The following CD8A variants were observed in gnomAD, a reference collection of about 807,000 sequenced individuals.
CD8A encodes CD8 subunit alpha, also known as T-cell surface glycoprotein CD8 alpha chain.
In CD8A, 25 loss-of-function variants were observed where a neutral mutation model predicts 24.2. That is an observed-to-expected ratio of 1.03 (90% CI 0.75 to 1.44). CD8A has a LOEUF of 1.44. Among genes scored for constraint, CD8A ranks in the 40% most tolerant of loss-of-function variants. CD8A has a pLI of 0.00. For missense variants in CD8A, 360 were observed against 319.7 expected (o/e 1.13, Z -0.96); for synonymous variants, 165 against 149.9 (o/e 1.10, Z -0.74).
intron 3 of CD8A, among the ~76,000 whole-genome samples, chr2:86,799,452 G>C (rs565869676): frequency 2.6e-5 from 4 of 152,212 alleles, no homozygotes; most frequent in Non-Finnish European, 5.9e-5. Context: ...AGAGTCCCCA[G>C]TATCCAGGTA....
intron 2 of CD8A, among the ~76,000 whole-genome samples, chr2:86,804,180 T>C (rs1377105573): frequency 6.6e-6 from 1 of 152,206 alleles, no homozygotes; most frequent in Non-Finnish European, 1.5e-5. Context: ...ATACCTTATA[T>C]ATACACAATA....
Position 86,784,715 on chromosome 2 carries a change from A to G in CD8A, c.*1205T>C, listed in dbSNP as rs1226683740. The G allele has an allele frequency of 2.2e-6, 1 of 453,218 alleles. No homozygotes were observed. The highest frequency in any genetic ancestry group is 2.4e-5 in the Admixed American group (1 of 42,470). 28.1% of individuals were successfully genotyped at this position (453,218 alleles called of 1,614,324 possible). A position where few individuals can be genotyped will look rare whatever the true frequency, so the allele number is the denominator to read the frequency against. ...AAAAAGAAAGACATATTTTACATGT[A>G]TGTGTAGAAAATAATCAGGAAGAAT... On this transcript the variant is annotated 3_prime_UTR_variant, in exon 6 of 6. Coordinates refer to ENST00000283635, the MANE Select transcript of CD8A (RefSeq NM_001768.7).
chr2:86,785,438 G>T lies in CD8A; in HGVS notation c.*482C>A. 1 of 455,266 alleles carries T rather than the reference G, an allele frequency of 2.2e-6. No individual in the cohort carries two copies. Among genetic ancestry groups the T allele is most frequent in the Non-Finnish European group, 4.4e-6 (1 of 227,674 alleles). The allele number at this position is 455,266 out of a possible 1,614,324, so 28.2% of individuals were successfully genotyped here. ...ACTCAAGCACCTCACCCTGAGACAG[G>T]GGCCTCGGAAAGAAAGACCTGAATG... On this transcript the variant is annotated 3_prime_UTR_variant, in exon 6 of 6. Transcript: ENST00000283635.
chr2:86,804,479 G>A (rs751775574), intron 2 of CD8A, among the ~76,000 whole-genome samples: 2 of 152,176 alleles, frequency 1.3e-5, no homozygotes, highest in Non-Finnish European at 2.9e-5. Flanking sequence ...TTTTCTAGAT[G>A]AAAAGAGTTA....
Position 86,790,873 on chromosome 2 carries a change from G to T in CD8A, c.-48C>A. On this transcript the variant is annotated 5_prime_UTR_variant, in exon 1 of 6. Transcript: ENST00000283635. ...TTGGCTCGAAGCTCGGGCGCGAGGG[G>T]AGGCGCGCGGGAGCCGGTGGGGCGC... is the stretch of plus-strand genomic sequence containing the variant. The T allele has an allele frequency of 6.6e-7, 1 of 1,524,768 alleles. No homozygotes were observed. The highest frequency in any genetic ancestry group is 8.8e-7 in the Non-Finnish European group (1 of 1,136,328). The allele number at this position is 1,524,768 out of a possible 1,614,324, so 94.5% of individuals were successfully genotyped here.
chr2:86,800,051 G>A (rs567260072), intron 3 of CD8A, among the ~76,000 whole-genome samples: 63 of 151,916 alleles, frequency 4.1e-4, no homozygotes, highest in African/African-American at 1.5e-3. Context: ...TGAATCTAGT[G>A]AGCTAAATCT....
At chr2:86,789,506 G>A (rs1673173240) in intron 3 of CD8A, 73 bp from the exon 4 acceptor site, 3 of 1,375,912 alleles carry the variant, frequency 2.2e-6, no homozygotes, top group Non-Finnish European at 2.1e-6. Flanking sequence ...TCCCGGGAAC[G>A]TCTCTCCGCC....
chr2:86,798,970 G>A (rs1351573160), intron 3 of CD8A, among the ~76,000 whole-genome samples: 1 of 152,126 alleles, frequency 6.6e-6, no homozygotes, highest in Non-Finnish European at 1.5e-5. Context: ...ATACAGAAAT[G>A]TCATCATATT....
chr2:86,789,372 AG>A lies in CD8A; in HGVS notation c.575del (p.Thr192IlefsTer100). Reference protein sequence around the residue: ...DIYIWAPLAGTCGVLLLSLVI... With the variant: ...DIYIWAPLAGXCGVLLLSLVI... ...CCAGTGACAGGAGAAGGACCCCACA[AG>A]TCCCGGCCAAGGGCGCCCAGATGTA... On this transcript the variant is annotated frameshift_variant, in exon 4 of 6. Transcript: ENST00000283635. LOFTEE classifies it high-confidence loss of function. 1 of 1,613,938 alleles carries A rather than the reference AG, an allele frequency of 6.2e-7. No individual in the cohort carries two copies. Among genetic ancestry groups the A allele is most frequent in the Non-Finnish European group, 8.5e-7 (1 of 1,179,846 alleles).
chr2:86,789,419 G>A lies in CD8A; in HGVS notation c.529C>T (p.Leu177=), dbSNP rs762884760. ...AAGGAVHTRG[L]DFACDIYIWA... is the part of the protein sequence containing the mutation. ...ATGTAGATATCACAGGCGAAGTCCA[G>A]CCCCCTCGTGTGCACTGACGACACC... The change falls in exon 4 of 6, where the codon CTG becomes TTG. Residue 177 remains leucine, a synonymous_variant. Transcript: ENST00000283635. The A allele has an allele frequency of 1.9e-6, 3 of 1,613,302 alleles. No individual in the cohort carries two copies. In the South Asian group the frequency reaches 3.3e-5, roughly 18 times the overall value.
upstream of CD8A, among the ~76,000 whole-genome samples, chr2:86,792,560 C>G (rs7569868): frequency 6.6e-6 from 1 of 151,458 alleles, no homozygotes; most frequent in Admixed American, 6.6e-5. Context: ...TGTGGCACCA[C>G]CTCGGCTCAC....
upstream of CD8A, chr2:86,791,690 CTTGG>C (rs1673318374): frequency 4.4e-6 from 2 of 453,560 alleles, no homozygotes; most frequent in Non-Finnish European, 8.8e-6. Flanking sequence ...CAACCCCCAG[CTTGG>C]TTGACCAGCC....
At chr2:86,791,308 G>C, upstream of CD8A, 1 of 361,498 alleles carries the variant, frequency 2.8e-6, no homozygotes, top group Non-Finnish European at 5.4e-6. Context: ...AATGGGCACT[G>C]AGGGCTGAAA....
intron 3 of CD8A, among the ~76,000 whole-genome samples, chr2:86,797,505 T>A (rs1218157565): frequency 6.6e-6 from 1 of 151,926 alleles, no homozygotes; most frequent in Non-Finnish European, 1.5e-5. Flanking sequence ...CTGACCCACA[T>A]GAGGATGTCC....
chr2:86,807,113 C>G (rs1673931213), intron 2 of CD8A, among the ~76,000 whole-genome samples: 1 of 151,138 alleles, frequency 6.6e-6, no homozygotes. Flanking sequence ...ATTGGGAGAG[C>G]ACAATTGGTT....
intron 5 of CD8A, 101 bp from the exon 6 acceptor site, chr2:86,786,072 C>T (rs1672986945): frequency 2.2e-6 from 2 of 924,060 alleles, no homozygotes; most frequent in South Asian, 2.6e-5. Flanking sequence ...TTTGAAAGGT[C>T]TGAGAACCTG....
chr2:86,793,034 C>G (rs547284946), upstream of CD8A, among the ~76,000 whole-genome samples: 37 of 152,310 alleles, frequency 2.4e-4, no homozygotes, highest in Non-Finnish European at 4.9e-4. Context: ...ACCACTGTTA[C>G]AGTTGAATGT....
chr2:86,797,468 G>A (rs778971142), intron 3 of CD8A, among the ~76,000 whole-genome samples: 2 of 152,142 alleles, frequency 1.3e-5, no homozygotes, highest in Non-Finnish European at 2.9e-5. Flanking sequence ...CCTGTGGCAG[G>A]TAGAGATTGT....
At position 86,790,800 on chromosome 2, in the gene CD8A, A is replaced by G. The variant is rs1339275163; in HGVS notation, c.26T>C (p.Leu9Pro). The change falls in exon 1 of 6, where the codon CTC (leucine) becomes CCC (proline). Residue 9 changes from leucine to proline, a missense_variant. Leu to Pro is a moderately conservative substitution (Grantham distance 98). Coordinates refer to ENST00000283635, the MANE Select transcript of CD8A (RefSeq NM_001768.7). MALPVTAL[L>P]LPLALLLHAA... ...ACGGAGCAGCAAGGCCAGCGGCAGG[A>G]GCAAGGCGGTCACTGGTAAGGCCAT... 16 of 1,540,336 alleles carry G rather than the reference A, an allele frequency of 1.0e-5. No individual in the cohort carries two copies. The highest frequency in any genetic ancestry group is 1.4e-5 in the Non-Finnish European group (16 of 1,146,900).
Sources: allele counts gnomAD v4.1 joint callset (sites outside exome capture counted in the v4.1 genomes callset), GRCh38; gene constraint gnomAD v4.1.1; transcripts MANE v1.5; gene names NCBI Gene and HGNC (gene_info 2026-07-23, HGNC 2026-07-21).